The following CCDC85C variants were observed in gnomAD, a reference collection of about 807,000 sequenced individuals.
The protein encoded by CCDC85C is coiled-coil domain-containing protein 85C.
In CCDC85C, 18 loss-of-function variants were observed where a neutral mutation model predicts 38.3. The observed-to-expected ratio is 0.47, with a 90% CI of 0.33 to 0.70. The LOEUF is 0.70. Among genes scored for constraint, CCDC85C ranks in the 30% least tolerant of loss-of-function variants. The pLI, the probability that CCDC85C is intolerant of heterozygous loss-of-function variation, is 0.03. For missense variants in CCDC85C, 566 were observed against 621.2 expected (o/e 0.91, Z 0.94); for synonymous variants, 264 against 293.8 (o/e 0.90, Z 1.04).
intron 1 of CCDC85C, among the ~76,000 whole-genome samples, chr14:99,594,616 A>T (rs966732434): frequency 1.3e-5 from 2 of 152,178 alleles, no homozygotes; most frequent in Non-Finnish European, 2.9e-5. Flanking sequence ...GACCGATAGG[A>T]GGCAGGATGG....
intron 1 of CCDC85C, among the ~76,000 whole-genome samples, chr14:99,539,469 C>CAAA (rs5810957): frequency 4.7e-4 from 51 of 108,460 alleles, no homozygotes; most frequent in African/African-American, 1.6e-3. Context: ...GACTCCATCT[C>CAAA]AAAAAAAAAA....
chr14:99,502,019 C>G lies in CCDC85C; in HGVS notation c.*13227G>C. On this transcript the variant is annotated 3_prime_UTR_variant, in exon 6 of 6. Coordinates refer to ENST00000380243, the MANE Select transcript of CCDC85C (RefSeq NM_001144995.2). ...CTTTAAGGAATAGAGAAATTACTAA[C>G]TATGGTTAAAGTAACTTAGTCGGGT... 1.8e-6 allele frequency: 1 copy of G among 549,384 alleles called. No homozygotes were observed. The highest frequency in any genetic ancestry group is 2.9e-6 in the Non-Finnish European group (1 of 344,470). The allele number at this position is 549,384 out of a possible 1,614,324, so 34.0% of individuals were successfully genotyped here.
At chr14:99,553,676 C>T (rs924499311) in intron 1 of CCDC85C, among the ~76,000 whole-genome samples, 3 of 152,164 alleles carry the variant, frequency 2.0e-5, no homozygotes, top group Non-Finnish European at 2.9e-5. Context: ...CTCTTGAACA[C>T]GTGGCATCCC....
At chr14:99,529,667 G>C (rs1355933930) in intron 2 of CCDC85C, among the ~76,000 whole-genome samples, 1 of 152,256 alleles carries the variant, frequency 6.6e-6, no homozygotes, top group Non-Finnish European at 1.5e-5. Flanking sequence ...GCCTCCCAAA[G>C]TGCCGGGATT....
rs866516262 is a variant in CCDC85C, at chr14:99,603,655, G to A, written c.305C>T (p.Ala102Val). The part of the protein sequence containing the change: ...DDDRQKGRKL[A>V]REWQRFGRHA... ...GCGCCCGAAGCGCTGCCACTCGCGCGCCAGCTTGCGCCCCTTCTGCCGGTC... is the reference window on the plus strand; with the variant it reads ...GCGCCCGAAGCGCTGCCACTCGCGCACCAGCTTGCGCCCCTTCTGCCGGTC... Residue 102 changes from alanine to valine, a missense_variant, in exon 1 of 6, where the codon GCG (alanine) becomes GTG (valine). This residue lies in a region of CCDC85C where 269 missense variants were observed against 308.2 expected (regional missense o/e 0.87). Coordinates refer to ENST00000380243, the MANE Select transcript of CCDC85C (RefSeq NM_001144995.2). The surrounding 1 kb of genome is among the most constrained non-coding windows in gnomAD (Gnocchi z 7.5). 1.4e-5 allele frequency: 20 copies of A among 1,479,072 alleles called. No homozygotes were observed. Among genetic ancestry groups the A allele is most frequent in the Non-Finnish European group, 1.7e-5 (19 of 1,115,474 alleles). 91.6% of individuals were successfully genotyped at this position (1,479,072 alleles called of 1,614,324 possible). A position where few individuals can be genotyped will look rare whatever the true frequency, so the allele number is the denominator to read the frequency against.
Position 99,502,428 on chromosome 14 carries a change from C to A in CCDC85C, c.*12818G>T. 6.3e-7 allele frequency: 1 copy of A among 1,587,650 alleles called. No homozygotes were observed. Among genetic ancestry groups the A allele is most frequent in the Middle Eastern group, 1.7e-4 (1 of 5,882 alleles). ...GAGGGTGTTCCATGTTGAGATGATT[C>A]TTCCATGTGTACCCTGAGTCCCAAG... On this transcript the variant is annotated 3_prime_UTR_variant, in exon 6 of 6. Coordinates refer to ENST00000380243, the MANE Select transcript of CCDC85C (RefSeq NM_001144995.2).
At chr14:99,543,389 C>T (rs1897750179) in intron 1 of CCDC85C, among the ~76,000 whole-genome samples, 1 of 152,172 alleles carries the variant, frequency 6.6e-6, no homozygotes, top group African/African-American at 2.4e-5. Context: ...TATTATTGGT[C>T]AAAGGCACAT....
At position 99,505,485 on chromosome 14, in the gene CCDC85C, A is replaced by G. The variant is rs1409089821; in HGVS notation, c.*9761T>C. ...TATATTGGTTACATGTTGAAATAAA[A>G]TTTTCGATCTATCGGGTTAAATAAA... On this transcript the variant is annotated 3_prime_UTR_variant, in exon 6 of 6. Coordinates refer to ENST00000380243, the MANE Select transcript of CCDC85C (RefSeq NM_001144995.2). The G allele has an allele frequency of 2.8e-5, 4 of 145,344 alleles. No homozygotes were observed. Among genetic ancestry groups the G allele is most frequent in the African/African-American group, 1.0e-4 (4 of 38,952 alleles). The allele number at this position is 145,344 out of a possible 1,614,324, so 9.0% of individuals were successfully genotyped here. A position where few individuals can be genotyped will look rare whatever the true frequency, so the allele number is the denominator to read the frequency against.
At position 99,544,489 on chromosome 14, in the gene CCDC85C, GGTGTGT is replaced by G. The variant is rs111754976; in HGVS notation, c.794-8407_794-8402del. On this transcript the variant is annotated intron_variant, in intron 1 of 5. Coordinates refer to ENST00000380243, the MANE Select transcript of CCDC85C (RefSeq NM_001144995.2). The surrounding 1 kb of genome is among the most constrained non-coding windows in gnomAD (Gnocchi z 5.3). ...ATAAAAACAGGGCTAAAATTTGAAG[GGTGTGT>G]GTGTGTGTGTGTGTGTGTGTGTCTG... Among the ~76,000 whole-genome samples the G allele has an allele frequency of 1.1e-3, 163 of 147,984 alleles. No homozygotes were observed. The highest frequency in any genetic ancestry group is 3.6e-3 in the African/African-American group (144 of 40,462).
chr14:99,539,582 T>C (rs1441542858), intron 1 of CCDC85C, among the ~76,000 whole-genome samples: 1 of 152,084 alleles, frequency 6.6e-6, no homozygotes, highest in African/African-American at 2.4e-5. Flanking sequence ...CCTGTCATCA[T>C]TAAAATGATG....
In CCDC85C at chr14:99,509,127, A is replaced by T. The variant is rs1353384199; in HGVS notation, c.*6119T>A. ...GTGTGCCAATGGCCACGTCTACCCA[A>T]CCAGGATGTCGTGCTGTGCCTTGCC... On this transcript the variant is annotated 3_prime_UTR_variant, in exon 6 of 6. Transcript: ENST00000380243. 4 of 152,230 alleles carry T rather than the reference A, an allele frequency of 2.6e-5. No individual in the cohort carries two copies. Among genetic ancestry groups the T allele is most frequent in the African/African-American group, 9.6e-5 (4 of 41,468 alleles). The allele number at this position is 152,230 out of a possible 1,614,324, so 9.4% of individuals were successfully genotyped here. A position where few individuals can be genotyped will look rare whatever the true frequency, so the allele number is the denominator to read the frequency against.
intron 1 of CCDC85C, among the ~76,000 whole-genome samples, chr14:99,590,063 T>C (rs1003199103): frequency 2.0e-5 from 3 of 152,210 alleles, no homozygotes; most frequent in African/African-American, 4.8e-5. Flanking sequence ...CAGCAGATCA[T>C]GTTGCCCACA....
chr14:99,565,247 C>T (rs965168213), intron 1 of CCDC85C, among the ~76,000 whole-genome samples: 7 of 152,214 alleles, frequency 4.6e-5, no homozygotes, highest in Non-Finnish European at 8.8e-5. Context: ...CACAGCTCGT[C>T]GTGTGCACAA....
Position 99,522,185 on chromosome 14 carries a change from G to A in CCDC85C, c.923C>T (p.Ser308Leu), listed in dbSNP as rs1191409492. 2.5e-5 allele frequency: 39 copies of A among 1,550,800 alleles called. No homozygotes were observed. The highest frequency in any genetic ancestry group is 7.8e-5 in the Admixed American group (4 of 50,984). ...CGGCAGGGACGCAAGCTGGGACTCC[G>A]AGTGGTAGGGCGAGAAGCCTTTCCG... ...TLRKGFSPYH[S>L]ESQLASLPPS... Residue 308 changes from serine to leucine, a missense_variant, in exon 3 of 6, where the codon TCG becomes TTG. Physicochemically the swap from Ser to Leu is moderately radical, Grantham distance 145. Around this residue, in one of 3 missense-constraint regions of CCDC85C, gnomAD observed 286 missense variants for 276.4 expected, o/e 1.03. Coordinates refer to ENST00000380243, the MANE Select transcript of CCDC85C (RefSeq NM_001144995.2).
intron 1 of CCDC85C, among the ~76,000 whole-genome samples, chr14:99,550,015 G>A (rs1312311583): frequency 2.0e-5 from 3 of 152,206 alleles, no homozygotes; most frequent in African/African-American, 4.8e-5. Context: ...CCCTGGCAGC[G>A]CCCTCCATGA....
rs771816459 is a variant in CCDC85C, at chr14:99,503,065, C to T, written c.*12181G>A. On this transcript the variant is annotated 3_prime_UTR_variant, in exon 6 of 6. Transcript: ENST00000380243. ...CCTGAGCACTGTTCCCATTTCTAAGCGAGCACAGGGAACACCGGAAGCAGG... is the reference window on the plus strand; with the variant it reads ...CCTGAGCACTGTTCCCATTTCTAAGTGAGCACAGGGAACACCGGAAGCAGG... 8 of 1,466,698 alleles carry T rather than the reference C, an allele frequency of 5.5e-6. No individual in the cohort carries two copies. The highest frequency in any genetic ancestry group is 1.4e-5 in the African/African-American group (1 of 72,132). The allele number at this position is 1,466,698 out of a possible 1,614,324, so 90.9% of individuals were successfully genotyped here. A position where few individuals can be genotyped will look rare whatever the true frequency, so the allele number is the denominator to read the frequency against.
At chr14:99,521,352 G>A (rs1037583791) in intron 3 of CCDC85C, among the ~76,000 whole-genome samples, 1 of 152,256 alleles carries the variant, frequency 6.6e-6, no homozygotes. Context: ...CGCAGAGCCA[G>A]CAGCCAGCAC....
At position 99,572,895 on chromosome 14, in the gene CCDC85C, G is replaced by A. The variant is rs1595094320; in HGVS notation, c.793+30272C>T. 2.2e-6 allele frequency: 1 copy of A among 449,912 alleles called. No homozygotes were observed. The highest frequency in any genetic ancestry group is 4.5e-6 in the Non-Finnish European group (1 of 222,954). The allele number at this position is 449,912 out of a possible 1,614,324, so 27.9% of individuals were successfully genotyped here. A position where few individuals can be genotyped will look rare whatever the true frequency, so the allele number is the denominator to read the frequency against. On this transcript the variant is annotated intron_variant, in intron 1 of 5. Coordinates refer to ENST00000380243, the MANE Select transcript of CCDC85C (RefSeq NM_001144995.2). The surrounding 1 kb of genome is among the most constrained non-coding windows in gnomAD (Gnocchi z 4.4). ...GGAATGTCTGCCCAAGTCCCAGGCA[G>A]GGTGGGAGGCACGGACCTGAGGCAG...
At chr14:99,541,397 T>A (rs12436565) in intron 1 of CCDC85C, among the ~76,000 whole-genome samples, 3 of 152,068 alleles carry the variant, frequency 2.0e-5, no homozygotes, top group Non-Finnish European at 2.9e-5. Context: ...CATCTGACTC[T>A]GCGGTGCCTG....
Sources: allele counts gnomAD v4.1 joint callset (sites outside exome capture counted in the v4.1 genomes callset), GRCh38; gene constraint gnomAD v4.1.1; regional missense constraint gnomAD v4.1.1; non-coding constraint Gnocchi (gnomAD v3.1); transcripts MANE v1.5; gene names NCBI Gene and HGNC (gene_info 2026-07-23, HGNC 2026-07-21).